Variants in ATXN2 observed in about 807,000 individuals in gnomAD.
ATXN2 encodes the protein ataxin 2.
ATXN2 carries 37 observed loss-of-function variants against 138.6 expected under a neutral mutation model. The ratio of observed to expected loss-of-function variants is 0.27; its 90% CI spans 0.21 to 0.35. The LOEUF is 0.35. ATXN2 is among the 10% of genes least tolerant of loss of function. The probability of loss-of-function intolerance (pLI) is 1.00; values close to 1 mark genes in which losing one functional copy is unlikely to be tolerated. For synonymous variants in ATXN2, 549 were observed against 543.7 expected (o/e 1.01, Z -0.13); for missense variants, 1,216 against 1,480.3 (o/e 0.82, Z 2.93).
intron 5 of ATXN2, among the ~76,000 whole-genome samples, chr12:111,539,396 C>G (rs1881367704): frequency 6.7e-6 from 1 of 149,980 alleles, no homozygotes; most frequent in Admixed American, 6.7e-5. Flanking sequence ...TCAGTCCAAT[C>G]ATCGTTTGAG....
intron 5 of ATXN2, among the ~76,000 whole-genome samples, chr12:111,529,583 T>C: frequency 6.6e-6 from 1 of 152,212 alleles, no homozygotes; most frequent in South Asian, 2.1e-4. Flanking sequence ...CTTCTGATTC[T>C]GGGCAGAAAC....
At chr12:111,479,053 A>G (rs961168462) in intron 18 of ATXN2, 5 of 383,956 alleles carry the variant, frequency 1.3e-5, no homozygotes, top group African/African-American at 4.1e-5. Flanking sequence ...TTTTAAAAAA[A>G]TGAAATATGC....
rs774083612 is a variant in ATXN2, at chr12:111,518,260, A to G, written c.1154T>C (p.Val385Ala). Residue 385 changes from valine to alanine, a missense_variant, in exon 9 of 25, where the codon GTA (valine) becomes GCA (alanine). By Grantham distance (64) the Val-to-Ala change is moderately conservative (BLOSUM62 0). Around this residue, in one of 4 missense-constraint regions of ATXN2, gnomAD observed 401 missense variants for 528.1 expected, o/e 0.76. Transcript: ENST00000673436. ...GTCAAAATACTTGCCTCCATTAACT[A>G]CTCTTTGGTCTGAACCAGAATTCGG... ...FNPNSGSDQR[V>A]VNGGVPWPSP... The G allele has an allele frequency of 4.7e-5, 75 of 1,597,004 alleles. 1 individual carries two copies. The highest frequency in any genetic ancestry group is 3.6e-4 in the Admixed American group (21 of 58,646).
intron 18 of ATXN2, among the ~76,000 whole-genome samples, chr12:111,473,200 G>C (rs1299986496): frequency 1.3e-5 from 2 of 151,776 alleles, no homozygotes; most frequent in Non-Finnish European, 2.9e-5. Context: ...CCTTAGCTCG[G>C]GAAGTTGAGG....
At chr12:111,491,952 C>T (rs1220273911) in intron 14 of ATXN2, among the ~76,000 whole-genome samples, 1 of 152,004 alleles carries the variant, frequency 6.6e-6, no homozygotes, top group African/African-American at 2.4e-5. Context: ...TCTAGACACA[C>T]CCTGGGCCAG....
intron 1 of ATXN2, among the ~76,000 whole-genome samples, chr12:111,579,351 C>T (rs1184989965): frequency 1.3e-5 from 2 of 152,096 alleles, no homozygotes; most frequent in Non-Finnish European, 1.5e-5. Context: ...CAACCTCTGC[C>T]TCCCGGGTTC....
At chr12:111,518,502 T>A in intron 8 of ATXN2, 75 bp from the exon 9 acceptor site, 1 of 1,417,334 alleles carries the variant, frequency 7.1e-7, no homozygotes. Context: ...AAAAGTCATC[T>A]AGACAGAAGG....
chr12:111,509,876 T>C lies in ATXN2; in HGVS notation c.1864+15A>G, dbSNP rs746068853. On this transcript the variant is annotated intron_variant, in intron 13 of 24. Transcript: ENST00000673436. ...TATTCCTACAGTTAAGCTTAATGAC[T>C]CTTTAAACTCTAACCTTTGTTTTCA... is the stretch of plus-strand genomic sequence containing the variant. The C allele has an allele frequency of 7.0e-6, 11 of 1,562,616 alleles. No individual in the cohort carries two copies. In the South Asian group the frequency reaches 1.2e-4, roughly 18 times the overall value.
chr12:111,586,063 A>C (rs1262631309), intron 1 of ATXN2, among the ~76,000 whole-genome samples: 1 of 150,398 alleles, frequency 6.6e-6, no homozygotes, highest in African/African-American at 2.4e-5. Context: ...TGACTGGCTA[A>C]ATTTTTTGTA....
chr12:111,568,264 A>C (rs1171481270), intron 1 of ATXN2, among the ~76,000 whole-genome samples: 1 of 152,098 alleles, frequency 6.6e-6, no homozygotes, highest in Admixed American at 6.5e-5. Context: ...CTGTCTCAAA[A>C]ACAAAAAACA....
rs2135643366 is a variant in ATXN2 at position 111,453,927 on chromosome 12, G to A, written c.3271-82C>T. The A allele has an allele frequency of 1.4e-6, 2 of 1,429,420 alleles. No homozygotes were observed. The highest frequency in any genetic ancestry group is 2.4e-5 in the East Asian group (1 of 42,194). 88.5% of individuals were successfully genotyped at this position (1,429,420 alleles called of 1,614,324 possible). A position where few individuals can be genotyped will look rare whatever the true frequency, so the allele number is the denominator to read the frequency against. Reference sequence around the variant, plus strand: ...TCAACTGTGTTCCTTTCACTGGGCTGGGACTCTCAGGAAAGGGCAACGGTG... The same window carrying A: ...TCAACTGTGTTCCTTTCACTGGGCTAGGACTCTCAGGAAAGGGCAACGGTG... On this transcript the variant is annotated intron_variant, in intron 23 of 24. Coordinates refer to ENST00000673436, the MANE Select transcript of ATXN2 (RefSeq NM_001372574.1). The surrounding 1 kb of genome is among the most constrained non-coding windows in gnomAD (Gnocchi z 5.4).
chr12:111,553,070 C>A, intron 3 of ATXN2, 93 bp from the exon 4 acceptor site: 1 of 744,694 alleles, frequency 1.3e-6, no homozygotes, highest in Admixed American at 3.2e-5. Context: ...CCTCATCAGG[C>A]TTCATTCAAT....
chr12:111,574,308 C>CAAAAAA (rs997437123), intron 1 of ATXN2, among the ~76,000 whole-genome samples: 2 of 32,594 alleles, frequency 6.1e-5, no homozygotes, highest in Admixed American at 3.8e-4. Context: ...ACTCTGTCTC[C>CAAAAAA]AAAAAAAAAA....
At chr12:111,597,000 C>T (rs1884969907) in intron 1 of ATXN2, among the ~76,000 whole-genome samples, 2 of 152,228 alleles carry the variant, frequency 1.3e-5, no homozygotes, top group East Asian at 1.9e-4. Flanking sequence ...CAGAATACAT[C>T]CTTTTCTATA....
At chr12:111,597,880 T>A in intron 1 of ATXN2, 1 of 1,288,458 alleles carries the variant, frequency 7.8e-7, no homozygotes, top group Non-Finnish European at 1.0e-6. Context: ...CCACCCCGGA[T>A]CTCCAGGGTC....
At position 111,563,597 on chromosome 12, in the gene ATXN2, A is replaced by G. The variant is rs1336487272; in HGVS notation, c.252-7678T>C. ...TTAAATCTTACATATACAATTACCA[A>G]TACAGAGAAAATGTTAAGGTGAATA... On this transcript the variant is annotated intron_variant, in intron 1 of 24. Transcript: ENST00000673436. 4.6e-5 allele frequency among the ~76,000 whole-genome samples: 7 copies of G among 152,330 alleles called. No homozygotes were observed. The East Asian group carries it at 1.3e-3, about 29-fold the overall frequency.
intron 1 of ATXN2, among the ~76,000 whole-genome samples, chr12:111,597,440 T>G (rs1884993170): frequency 6.6e-6 from 1 of 152,164 alleles, no homozygotes; most frequent in Non-Finnish European, 1.5e-5. Context: ...CAGTAGTGCC[T>G]ACAACACGGA....
In ATXN2 at chr12:111,598,486, C is replaced by G; in HGVS notation, c.251+298G>C. The G allele has an allele frequency of 1.0e-6, 1 of 985,144 alleles. No homozygotes were observed. Among genetic ancestry groups the G allele is most frequent in the Non-Finnish European group, 1.2e-6 (1 of 829,858 alleles). 61.0% of individuals were successfully genotyped at this position (985,144 alleles called of 1,614,324 possible). A position where few individuals can be genotyped will look rare whatever the true frequency, so the allele number is the denominator to read the frequency against. ...AGCCGGGGCTGACCATCGCCGCTAC[C>G]CGAGAACCCCTCCCAACACGCGTGG... On this transcript the variant is annotated intron_variant, in intron 1 of 24. Transcript: ENST00000673436. The surrounding 1 kb of genome is among the most constrained non-coding windows in gnomAD (Gnocchi z 4.5).
At chr12:111,545,246 A>C (rs1019433285) in intron 5 of ATXN2, among the ~76,000 whole-genome samples, 2 of 152,118 alleles carry the variant, frequency 1.3e-5, no homozygotes, top group Admixed American at 1.3e-4. Flanking sequence ...AAGATTAACT[A>C]GAAAGGCAGA....
Sources: allele counts gnomAD v4.1 joint callset (sites outside exome capture counted in the v4.1 genomes callset), GRCh38; gene constraint gnomAD v4.1.1; regional missense constraint gnomAD v4.1.1; non-coding constraint Gnocchi (gnomAD v3.1); transcripts MANE v1.5; gene names NCBI Gene and HGNC (gene_info 2026-07-23, HGNC 2026-07-21).